The following ETS1 variants were observed in gnomAD, a reference collection of about 807,000 sequenced individuals.
ETS1 encodes the protein ETS proto-oncogene 1, transcription factor, also known as protein C-ets-1.
ETS1 carries 15 observed loss-of-function variants against 58.6 expected under a neutral mutation model. That is an observed-to-expected ratio of 0.26 (90% CI 0.17 to 0.39). The LOEUF (loss-of-function observed/expected upper bound fraction) is 0.39. Ranked by LOEUF, ETS1 falls within the 10% of genes least tolerant of loss-of-function variation. The probability of loss-of-function intolerance (pLI) is 1.00; values close to 1 mark genes in which losing one functional copy is unlikely to be tolerated. For synonymous variants in ETS1, 214 were observed against 218.2 expected, an observed-to-expected ratio of 0.98 and a Z score of 0.17; for missense variants, 417 against 610.5, an observed-to-expected ratio of 0.68 and a Z score of 3.34.
chr11:128,559,726 T>C (rs1565410106), intron 2 of ETS1, among the ~76,000 whole-genome samples: 2 of 152,234 alleles, frequency 1.3e-5, no homozygotes, highest in African/African-American at 2.4e-5. Flanking sequence ...AACTATTTCA[T>C]AGAGTATGAA....
chr11:128,574,885 C>T (rs547907044), intron 1 of ETS1, among the ~76,000 whole-genome samples: 8 of 152,304 alleles, frequency 5.3e-5, no homozygotes, highest in Non-Finnish European at 1.2e-4. Flanking sequence ...AATGGCTTAA[C>T]CACAATCAAA....
chr11:128,585,295 AAAGGGAGGG>A (rs1259221342), intron 1 of ETS1, among the ~76,000 whole-genome samples: 2 of 137,198 alleles, frequency 1.5e-5, no homozygotes, highest in African/African-American at 5.5e-5. Context: ...AGAAAGATAG[AAAGGGAGGG>A]AAGGGAGGGA....
At chr11:128,580,207 T>G (rs995011647) in intron 1 of ETS1, among the ~76,000 whole-genome samples, 3 of 147,242 alleles carry the variant, frequency 2.0e-5, no homozygotes, top group South Asian at 2.2e-4. Context: ...AAAAAATCCC[T>G]GTGATGAAGT....
At chr11:128,561,601 A>G (rs1281942458) in intron 2 of ETS1, among the ~76,000 whole-genome samples, 1 of 152,234 alleles carries the variant, frequency 6.6e-6, no homozygotes, top group East Asian at 1.9e-4. Context: ...AGAGGAAATA[A>G]GAAATATTGG....
At chr11:128,585,340 G>GAAGC (rs1197579683) in intron 1 of ETS1, among the ~76,000 whole-genome samples, 6 of 130,336 alleles carry the variant, frequency 4.6e-5, no homozygotes, top group East Asian at 5.2e-4. Flanking sequence ...AGCAAGGAAG[G>GAAGC]AAGGAAGCAA....
chr11:128,497,677 G>T (rs1313538096), intron 3 of ETS1: 2 of 687,716 alleles, frequency 2.9e-6, no homozygotes, highest in African/African-American at 1.9e-5. Flanking sequence ...GTTCAGACCT[G>T]CCAGACAAAA....
intron 8 of ETS1, among the ~76,000 whole-genome samples, chr11:128,473,148 A>G (rs1410954985): frequency 6.6e-6 from 1 of 152,228 alleles, no homozygotes; most frequent in Non-Finnish European, 1.5e-5. Context: ...CTAAGCACAC[A>G]GTAGGAACTT....
chr11:128,555,837 A>T (rs1864303217), intron 3 of ETS1, among the ~76,000 whole-genome samples: 1 of 152,190 alleles, frequency 6.6e-6, no homozygotes, highest in Admixed American at 6.5e-5. Context: ...AGGGAGAGAG[A>T]GACAGAGGAA....
intron 1 of ETS1, among the ~76,000 whole-genome samples, chr11:128,586,789 C>G (rs1054252494): frequency 6.6e-6 from 1 of 152,158 alleles, no homozygotes; most frequent in African/African-American, 2.4e-5. Context: ...AGTGTCACGG[C>G]CAGATAAAAT....
chr11:128,477,268 A>C (rs568865850), intron 8 of ETS1, among the ~76,000 whole-genome samples: 1 of 152,348 alleles, frequency 6.6e-6, no homozygotes, highest in African/African-American at 2.4e-5. Context: ...GAGCAATCAA[A>C]TTTTAAGGGA....
rs1861887607 is a variant in ETS1, at chr11:128,460,785, C to T, written c.*1576G>A. 6.6e-6 allele frequency: 1 copy of T among 152,380 alleles called. No homozygotes were observed. The highest frequency in any genetic ancestry group is 2.4e-5 in the African/African-American group (1 of 41,450). 9.4% of individuals were successfully genotyped at this position (152,380 alleles called of 1,614,324 possible). On this transcript the variant is annotated 3_prime_UTR_variant, in exon 10 of 10. Transcript: ENST00000392668. The stretch of plus-strand genomic sequence containing the variant: ...CTCATGGACAACCTTATTTTCCTCA[C>T]TGAACCTCCTTCCTTAGTTTCCTTT...
intron 3 of ETS1, among the ~76,000 whole-genome samples, chr11:128,539,399 A>G (rs1864021135): frequency 6.6e-6 from 1 of 152,210 alleles, no homozygotes; most frequent in South Asian, 2.1e-4. Context: ...TTTAATAGAC[A>G]TTTCTCCAAA....
At position 128,519,764 on chromosome 11, in the gene ETS1, C is replaced by T. The variant is rs1017794732; in HGVS notation, c.215-29188G>A. On this transcript the variant is annotated intron_variant, in intron 3 of 9. Transcript: ENST00000392668. ...GAATTGATTGTACTTCAGCCACTGG[C>T]TCACTACATATTTTTATGTCAATTA... is the stretch of plus-strand genomic sequence containing the variant. 6.6e-5 allele frequency among the ~76,000 whole-genome samples: 10 copies of T among 152,298 alleles called. 1 individual carries two copies. The highest frequency in any genetic ancestry group is 1.9e-4 in the African/African-American group (8 of 41,550).
intron 3 of ETS1, among the ~76,000 whole-genome samples, chr11:128,525,869 AG>A (rs2135525211): frequency 6.6e-6 from 1 of 152,312 alleles, no homozygotes; most frequent in East Asian, 1.9e-4. Flanking sequence ...AATTAGAGAT[AG>A]GAAGGAAAAT....
At chr11:128,578,074 T>C (rs1469423104) in intron 1 of ETS1, among the ~76,000 whole-genome samples, 2 of 152,154 alleles carry the variant, frequency 1.3e-5, no homozygotes, top group Non-Finnish European at 2.9e-5. Flanking sequence ...TTTAAAACTA[T>C]GGTTCTGCTT....
chr11:128,531,053 C>T (rs1412764735), intron 3 of ETS1, among the ~76,000 whole-genome samples: 1 of 152,172 alleles, frequency 6.6e-6, no homozygotes, highest in Non-Finnish European at 1.5e-5. Context: ...CATACAAAAA[C>T]CTGCAGTTTC....
chr11:128,559,402 C>T (rs1864369022), intron 2 of ETS1, among the ~76,000 whole-genome samples: 1 of 152,220 alleles, frequency 6.6e-6, no homozygotes, highest in South Asian at 2.1e-4. Context: ...TGAGTAACAA[C>T]CATGCACAGA....
intron 3 of ETS1, chr11:128,527,447 C>G (rs368032588): frequency 6.2e-6 from 1 of 160,228 alleles, no homozygotes; most frequent in South Asian, 1.6e-4. Context: ...TTAGAGGGTT[C>G]TGAGGTCTCA....
intron 3 of ETS1, among the ~76,000 whole-genome samples, chr11:128,512,103 A>G (rs1034146903): frequency 1.3e-5 from 2 of 152,192 alleles, no homozygotes; most frequent in Non-Finnish European, 2.9e-5. Context: ...CAGACATGGA[A>G]TTTTCAAGTT....
Sources: gnomAD v4.1 joint callset for allele counts (sites outside exome capture counted in the v4.1 genomes callset) on GRCh38, gnomAD v4.1.1 for gene constraint, MANE v1.5 for transcripts, NCBI Gene and HGNC (gene_info 2026-07-23, HGNC 2026-07-21) for gene names.